Variants in NBEAL1 observed in about 807,000 individuals in gnomAD.
NBEAL1 encodes the protein neurobeachin-like protein 1.
Under a neutral mutation model 351.3 loss-of-function variants are expected in NBEAL1, and 273 were observed. That is an observed-to-expected ratio of 0.78 (90% confidence interval 0.70 to 0.86). NBEAL1 has a LOEUF of 0.86. NBEAL1 is among the 40% of genes least tolerant of loss of function. NBEAL1 has a pLI of 0.00. For synonymous variants in NBEAL1, 1,050 were observed against 1,086.4 expected (o/e 0.97, Z 0.66); for missense variants, 2,961 against 3,201.3 (o/e 0.92, Z 1.81).
In NBEAL1 at chr2:203,095,586, C is replaced by CG. The variant is rs1476534621; in HGVS notation, c.1099-1959dup. Among the ~76,000 whole-genome samples the CG allele has an allele frequency of 7.2e-5, 11 of 151,978 alleles. No individual in the cohort carries two copies. The East Asian group carries it at 1.6e-3, about 22-fold the overall frequency. Reference sequence around the variant, plus strand: ...GATTACAGGCGTGAGCCACCGCGCCCGGCCCAAGAATTGTTTTAAAGATTC... The same window carrying CG: ...GATTACAGGCGTGAGCCACCGCGCCCGGGCCCAAGAATTGTTTTAAAGATTC... On this transcript the variant is annotated intron_variant, in intron 10 of 55. Coordinates refer to ENST00000683969, the MANE Select transcript of NBEAL1 (RefSeq NM_001378026.1).
intron 35 of NBEAL1, among the ~76,000 whole-genome samples, chr2:203,154,155 G>A (rs1407634861): frequency 6.6e-6 from 1 of 151,076 alleles, no homozygotes; most frequent in African/African-American, 2.4e-5. Context: ...AGAATGGCAT[G>A]AACCCGGGAG....
At chr2:203,087,703 C>T (rs1216771961) in intron 10 of NBEAL1, among the ~76,000 whole-genome samples, 3 of 152,110 alleles carry the variant, frequency 2.0e-5, no homozygotes, top group South Asian at 2.1e-4. Context: ...AAGATTACTA[C>T]GTAATATTTT....
intron 26 of NBEAL1, 86 bp downstream of exon 26, chr2:203,132,218 A>G: frequency 2.3e-6 from 2 of 872,326 alleles, no homozygotes; most frequent in Non-Finnish European, 3.4e-6. Flanking sequence ...GCTGCTTTTA[A>G]AATATCTGTT....
At chr2:203,116,466 A>G (rs979674262) in intron 18 of NBEAL1, among the ~76,000 whole-genome samples, 1 of 152,110 alleles carries the variant, frequency 6.6e-6, no homozygotes, top group African/African-American at 2.4e-5. Context: ...AGAAGAAAAA[A>G]TGTTCACTTC....
chr2:203,197,587 T>C (rs1423735542), intron 48 of NBEAL1, among the ~76,000 whole-genome samples, 196 bp downstream of exon 48: 2 of 151,954 alleles, frequency 1.3e-5, no homozygotes, highest in Non-Finnish European at 2.9e-5. Flanking sequence ...TGGGCAACAT[T>C]TGCTCAGAAA....
At position 203,208,449 on chromosome 2, in the gene NBEAL1, T is replaced by G. The variant is rs571546239; in HGVS notation, c.7507-188T>G. Among the ~76,000 whole-genome samples, 65 of 152,266 alleles carry G rather than the reference T, an allele frequency of 4.3e-4. 1 individual carries two copies. Among genetic ancestry groups the G allele is most frequent in the African/African-American group, 1.4e-3 (59 of 41,542 alleles). ...TTAAGGTTTTGAGCTTAGTTAAGTT[T>G]TTGAGATGGAGAATAATTCAGAAAT... On this transcript the variant is annotated intron_variant, in intron 51 of 55. Transcript: ENST00000683969.
At chr2:203,019,493 G>A (rs1180181735) in intron 2 of NBEAL1, among the ~76,000 whole-genome samples, 1 of 152,014 alleles carries the variant, frequency 6.6e-6, no homozygotes, top group Non-Finnish European at 1.5e-5. Flanking sequence ...CTGTTTTGTT[G>A]CCCTGCTTGG....
At chr2:203,086,364 T>G (rs1420288659) in intron 10 of NBEAL1, among the ~76,000 whole-genome samples, 5 of 152,192 alleles carry the variant, frequency 3.3e-5, no homozygotes, top group Non-Finnish European at 2.9e-5. Context: ...CTTTCTTAAT[T>G]TGCTTATCCT....
intron 51 of NBEAL1, among the ~76,000 whole-genome samples, chr2:203,207,220 T>A (rs1816454): frequency 1.3e-5 from 2 of 150,010 alleles, no homozygotes; most frequent in South Asian, 2.1e-4. Context: ...CCCCTCCGCC[T>A]GGCAGCCACC....
intron 2 of NBEAL1, among the ~76,000 whole-genome samples, chr2:203,033,382 A>G (rs1056996332): frequency 2.0e-5 from 3 of 152,218 alleles, no homozygotes; most frequent in Admixed American, 1.3e-4. Flanking sequence ...TATATCAGAA[A>G]GTTGGCATGT....
At chr2:203,125,598 T>C in intron 20 of NBEAL1, 78 bp downstream of exon 20, 1 of 1,257,306 alleles carries the variant, frequency 8.0e-7, no homozygotes, top group South Asian at 2.2e-5. Flanking sequence ...AATGTTTTAC[T>C]GTCATTAGGA....
chr2:203,184,096 A>G (rs71425984), intron 44 of NBEAL1, among the ~76,000 whole-genome samples: 24,599 of 113,782 alleles, frequency 0.22, 2,190 homozygotes, highest in East Asian at 0.47. Context: ...AAAAAAAAAA[A>G]AAAGAAACAA....
chr2:203,114,737 TTTTC>T (rs1339854192), intron 17 of NBEAL1, among the ~76,000 whole-genome samples: 1 of 152,012 alleles, frequency 6.6e-6, no homozygotes. Flanking sequence ...TTATCTTTTC[TTTTC>T]TTTGTTTTTT....
At position 203,162,330 on chromosome 2, in the gene NBEAL1, T is replaced by G. The variant is rs150896624; in HGVS notation, c.5715-3819T>G. ...TGAGCCACTGTACCCAGCCTAATAT[T>G]TAACTTTCTATGTTGATAAAGCCAC... On this transcript the variant is annotated intron_variant, in intron 36 of 55. Coordinates refer to ENST00000683969, the MANE Select transcript of NBEAL1 (RefSeq NM_001378026.1). Among the ~76,000 whole-genome samples, 31 of 152,208 alleles carry G rather than the reference T, an allele frequency of 2.0e-4. 1 individual carries two copies. The East Asian group carries it at 6.0e-3, about 29-fold the overall frequency.
rs1434606241 is a variant in NBEAL1 at position 203,112,047 on chromosome 2, C to T, written c.2151C>T (p.Asp717=). 1.9e-6 allele frequency: 3 copies of T among 1,552,508 alleles called. No homozygotes were observed. The highest frequency in any genetic ancestry group is 2.4e-5 in the East Asian group (1 of 41,114). ...GTCAGAGCTTCGTCTATATCTATGA[C>T]AATGGACAACAGAAGGTTTCTGCCC... is the stretch of plus-strand genomic sequence containing the variant. ...PFGQSFVYIY[D]NGQQKVSAPL... The change falls in exon 16 of 56, where the codon GAC becomes GAT. Residue 717 remains aspartate (D), a synonymous_variant. Coordinates refer to ENST00000683969, the MANE Select transcript of NBEAL1 (RefSeq NM_001378026.1).
At chr2:203,071,157 G>C (rs181869858) in intron 7 of NBEAL1, among the ~76,000 whole-genome samples, 44 of 152,228 alleles carry the variant, frequency 2.9e-4, no homozygotes, top group African/African-American at 9.9e-4. Context: ...TGTCTTGTAT[G>C]GTTTTTGTCT....
intron 6 of NBEAL1, chr2:203,061,253 A>G (rs1203126890): frequency 6.6e-6 from 1 of 152,166 alleles, no homozygotes; most frequent in Admixed American, 6.5e-5. Flanking sequence ...TTTTTCCCCC[A>G]GTATGAGTTT....
chr2:203,091,136 T>G (rs1322279061), intron 10 of NBEAL1, among the ~76,000 whole-genome samples: 1 of 152,190 alleles, frequency 6.6e-6, no homozygotes, highest in African/African-American at 2.4e-5. Flanking sequence ...AACAGCTCCC[T>G]GGTTTCCTCT....
At position 203,107,483 on chromosome 2, in the gene NBEAL1, C is replaced by T. The variant is rs1479627007; in HGVS notation, c.1333C>T (p.Pro445Ser). ...TGAAGTATTAAAATCCCTGGGTCAG[C>T]CACCACTGGAATTACTTAAAGAACT... is the stretch of plus-strand genomic sequence containing the variant. Reference protein sequence around the residue: ...MLEVLKSLGQPPLELLKELMN... With the variant: ...MLEVLKSLGQSPLELLKELMN... Residue 445 changes from proline (P) to serine (S), a missense_variant, in exon 13 of 56, where the codon CCA becomes TCA. Coordinates refer to ENST00000683969, the MANE Select transcript of NBEAL1 (RefSeq NM_001378026.1). 12 of 1,551,032 alleles carry T rather than the reference C, an allele frequency of 7.7e-6. No homozygotes were observed. Among genetic ancestry groups the T allele is most frequent in the Non-Finnish European group, 9.6e-6 (11 of 1,146,224 alleles).
Sources: allele counts gnomAD v4.1 joint callset (sites outside exome capture counted in the v4.1 genomes callset), GRCh38; gene constraint gnomAD v4.1.1; transcripts MANE v1.5; gene names NCBI Gene and HGNC (gene_info 2026-07-23, HGNC 2026-07-21).